The following CDK17 variants were observed in gnomAD, a reference collection of about 807,000 sequenced individuals.
CDK17 encodes cyclin dependent kinase 17, also known as cyclin-dependent kinase 17.
Under a neutral mutation model 77.6 loss-of-function variants are expected in CDK17, and 24 were observed. That is an observed-to-expected ratio of 0.31 (90% CI 0.22 to 0.44). The LOEUF (loss-of-function observed/expected upper bound fraction) is 0.44, where lower values mean the gene tolerates loss of function less well. Among genes scored for constraint, CDK17 ranks in the 20% least tolerant of loss-of-function variants. The pLI, the probability that CDK17 is intolerant of heterozygous loss-of-function variation, is 1.00. For synonymous variants in CDK17, 203 were observed against 210.4 expected (o/e 0.96, Z 0.30); for missense variants, 429 against 622.5 (o/e 0.69, Z 3.31).
chr12:96,349,173 G>C (rs1953273057), intron 1 of CDK17, among the ~76,000 whole-genome samples: 1 of 152,188 alleles, frequency 6.6e-6, no homozygotes, highest in Non-Finnish European at 1.5e-5. Context: ...AATTAATGTA[G>C]CCAGGCGCAG....
At chr12:96,318,144 C>G (rs972898904) in intron 3 of CDK17, among the ~76,000 whole-genome samples, 1 of 149,478 alleles carries the variant, frequency 6.7e-6, no homozygotes, top group Non-Finnish European at 1.5e-5. Context: ...GCAGGGGTTG[C>G]AATCCTAGTC....
At chr12:96,380,326 G>T (rs1250283792) in intron 1 of CDK17, among the ~76,000 whole-genome samples, 1 of 146,922 alleles carries the variant, frequency 6.8e-6, no homozygotes, top group East Asian at 2.0e-4. Flanking sequence ...CTGTTGCCCA[G>T]GCTAGAGTGC....
chr12:96,400,307 G>C lies in CDK17; in HGVS notation c.-351C>G, dbSNP rs1420841945. On this transcript the variant is annotated 5_prime_UTR_variant, in exon 1 of 17. Transcript: ENST00000261211. ...CGAGCGCGGCGGGCGCCGACGGCGG[G>C]CTGAGACTGTCTGGCCGGGCGCTGG... 2.6e-6 allele frequency: 1 copy of C among 389,504 alleles called. No homozygotes were observed. The highest frequency in any genetic ancestry group is 4.5e-6 in the Non-Finnish European group (1 of 220,200). The allele number at this position is 389,504 out of a possible 1,614,324, so 24.1% of individuals were successfully genotyped here. A position where few individuals can be genotyped will look rare whatever the true frequency, so the allele number is the denominator to read the frequency against.
intron 4 of CDK17, among the ~76,000 whole-genome samples, chr12:96,311,454 T>C (rs542482268): frequency 2.0e-5 from 3 of 151,238 alleles, no homozygotes; most frequent in East Asian, 3.9e-4. Flanking sequence ...ACTTTAAATT[T>C]ATTATACCAT....
At chr12:96,348,944 T>C (rs1953269952) in intron 1 of CDK17, among the ~76,000 whole-genome samples, 1 of 152,218 alleles carries the variant, frequency 6.6e-6, no homozygotes, top group Non-Finnish European at 1.5e-5. Flanking sequence ...TCTTGACTTC[T>C]ATAAGGCCAA....
At chr12:96,365,378 G>A (rs984510794) in intron 1 of CDK17, among the ~76,000 whole-genome samples, 1 of 152,006 alleles carries the variant, frequency 6.6e-6, no homozygotes, top group Non-Finnish European at 1.5e-5. Context: ...TTATATAAAG[G>A]AGAAAACAAA....
intron 1 of CDK17, among the ~76,000 whole-genome samples, chr12:96,355,486 C>A (rs1197673460): frequency 6.7e-6 from 1 of 149,914 alleles, no homozygotes; most frequent in Non-Finnish European, 1.5e-5. Flanking sequence ...CTCACTGCAG[C>A]CCCTGCCTCC....
At chr12:96,381,897 G>A (rs948069455) in intron 1 of CDK17, among the ~76,000 whole-genome samples, 2 of 151,910 alleles carry the variant, frequency 1.3e-5, no homozygotes, top group African/African-American at 2.4e-5. Flanking sequence ...GGGGGTGGGA[G>A]GAGGACCAAC....
chr12:96,397,755 A>G (rs1954194528), intron 1 of CDK17, among the ~76,000 whole-genome samples: 1 of 151,854 alleles, frequency 6.6e-6, no homozygotes, highest in African/African-American at 2.4e-5. Flanking sequence ...AATATGCAGG[A>G]AAAAAAATCA....
intron 5 of CDK17, 34 bp from the exon 6 acceptor site, chr12:96,300,394 CT>C (rs372691382): frequency 0.16 from 142,856 of 882,602 alleles, 296 homozygotes; most frequent in South Asian, 0.19. Context: ...GTAGTATTTA[CT>C]TTTTTTTTTT....
chr12:96,322,401 G>T (rs1952833482), intron 3 of CDK17, among the ~76,000 whole-genome samples: 2 of 150,878 alleles, frequency 1.3e-5, no homozygotes, highest in South Asian at 2.1e-4. Flanking sequence ...AATGTTTTTT[G>T]TATTTTTAAA....
At chr12:96,313,010 G>A (rs1952664006) in intron 4 of CDK17, among the ~76,000 whole-genome samples, 1 of 152,120 alleles carries the variant, frequency 6.6e-6, no homozygotes, top group Non-Finnish European at 1.5e-5. Flanking sequence ...GTATCATTCT[G>A]TATTTCCAGA....
At chr12:96,331,466 T>A (rs958166311) in intron 2 of CDK17, among the ~76,000 whole-genome samples, 10 of 143,560 alleles carry the variant, frequency 7.0e-5, no homozygotes, top group South Asian at 2.1e-4. Context: ...AACTTTCAAC[T>A]TTTTTTTTTT....
At chr12:96,352,410 C>T (rs973963459) in intron 1 of CDK17, among the ~76,000 whole-genome samples, 2 of 151,964 alleles carry the variant, frequency 1.3e-5, no homozygotes, top group African/African-American at 4.8e-5. Context: ...AAAAACATGT[C>T]CCAGCTGCTC....
chr12:96,367,077 G>T (rs953461753), intron 1 of CDK17, among the ~76,000 whole-genome samples: 1 of 151,960 alleles, frequency 6.6e-6, no homozygotes, highest in Non-Finnish European at 1.5e-5. Flanking sequence ...ATGTGCGATG[G>T]CTCACGTCTG....
At chr12:96,297,760 G>T (rs371674001) in intron 7 of CDK17, 39 bp from the exon 8 acceptor site, 1 of 1,121,470 alleles carries the variant, frequency 8.9e-7, no homozygotes, top group Non-Finnish European at 1.3e-6. Flanking sequence ...GTCTGTGGCA[G>T]TCTTTATAAA....
chr12:96,298,110 C>T (rs962393822), intron 7 of CDK17, among the ~76,000 whole-genome samples: 2 of 151,868 alleles, frequency 1.3e-5, no homozygotes, highest in East Asian at 1.9e-4. Flanking sequence ...GGTGAAACCC[C>T]GTCTCTACTA....
chr12:96,365,482 CAA>C (rs200946786), intron 1 of CDK17, among the ~76,000 whole-genome samples: 1,604 of 152,272 alleles, frequency 0.011, 48 homozygotes, highest in Admixed American at 0.064. Context: ...TAACCTCACA[CAA>C]ATAAGCTGGT....
At chr12:96,353,087 T>C (rs1953335424) in intron 1 of CDK17, among the ~76,000 whole-genome samples, 1 of 152,216 alleles carries the variant, frequency 6.6e-6, no homozygotes, top group Non-Finnish European at 1.5e-5. Flanking sequence ...CTAATAAGTA[T>C]TACTGACACT....
Sources: allele counts gnomAD v4.1 joint callset (sites outside exome capture counted in the v4.1 genomes callset), GRCh38; gene constraint gnomAD v4.1.1; transcripts MANE v1.5; gene names NCBI Gene and HGNC (gene_info 2026-07-23, HGNC 2026-07-21).